KIF17: variants seen among roughly 807,000 people sequenced by gnomAD.
The protein encoded by KIF17 is kinesin family member 17.
In KIF17, 80 loss-of-function variants were observed where a neutral mutation model predicts 96.8. The observed-to-expected ratio is 0.83, with a 90% CI of 0.69 to 1.00. The LOEUF is 1.00. Among genes scored for constraint, KIF17 ranks in the 50% least tolerant of loss-of-function variants. The probability of loss-of-function intolerance (pLI) is 0.00; values close to 1 mark genes in which losing one functional copy is unlikely to be tolerated. For missense variants in KIF17, 1,280 were observed against 1,372.9 expected, an observed-to-expected ratio of 0.93 and a Z score of 1.07; for synonymous variants, 567 against 587.5, an observed-to-expected ratio of 0.97 and a Z score of 0.51.
Position 20,687,397 on chromosome 1 carries a change from G to A in KIF17, c.1929C>T (p.Val643=). ...GCGTGACATCAGCTACCTGCACAGG[G>A]ACCTTGGGGACGTCTGCCTGGGGTG... ...TDAPQADVPK[V]PVQVPAPTDL... Residue 643 remains valine, a synonymous_variant, in exon 8 of 15, where the codon GTC becomes GTT. Coordinates refer to ENST00000400463, the MANE Select transcript of KIF17 (RefSeq NM_001122819.3). The surrounding 1 kb of genome is among the most constrained non-coding windows in gnomAD (Gnocchi z 4.4). The A allele has an allele frequency of 6.2e-7, 1 of 1,613,162 alleles. No homozygotes were observed.
chr1:20,666,940 T>C (rs1388330612), intron 13 of KIF17, among the ~76,000 whole-genome samples: 1 of 152,186 alleles, frequency 6.6e-6, no homozygotes, highest in African/African-American at 2.4e-5. Flanking sequence ...GCTGGACATG[T>C]GACCCAGACT....
chr1:20,678,492 C>T (rs1487897494), intron 11 of KIF17, among the ~76,000 whole-genome samples: 2 of 152,146 alleles, frequency 1.3e-5, no homozygotes, highest in Non-Finnish European at 2.9e-5. Flanking sequence ...ATCTCTCCAA[C>T]AAGACCTCCA....
chr1:20,681,644 CAT>C (rs1557587964), intron 11 of KIF17, among the ~76,000 whole-genome samples: 1 of 152,164 alleles, frequency 6.6e-6, no homozygotes, highest in Non-Finnish European at 1.5e-5. Flanking sequence ...AGGCAGTGCA[CAT>C]GACCCTCACC....
chr1:20,670,411 C>A lies in KIF17; in HGVS notation c.2790+10G>T, dbSNP rs760659596. ...CCCCGACACCCCACTCCCTCTCCCG[C>A]GGTCCTCACCATGTTCGGCTCGCCA... On this transcript the variant is annotated intron_variant, in intron 13 of 14. Transcript: ENST00000400463. The A allele has an allele frequency of 1.2e-6, 2 of 1,613,096 alleles. No homozygotes were observed. Among genetic ancestry groups the A allele is most frequent in the Admixed American group, 1.7e-5 (1 of 59,994 alleles).
chr1:20,712,818 A>ATATAGATATTATCTATAT (rs2054487896), intron 3 of KIF17, among the ~76,000 whole-genome samples: 1 of 32,610 alleles, frequency 3.1e-5, no homozygotes, highest in African/African-American at 1.0e-4. Context: ...TATATATATA[A>ATATAGATATTATCTATAT]TATAGATATT....
chr1:20,685,341 C>T lies in KIF17; in HGVS notation c.2020-321G>A, dbSNP rs957705624. The stretch of plus-strand genomic sequence containing the variant: ...TTCCCGATGAGCCCCATGTGACTTC[C>T]CGTCACGTTCGCAGGAAAGTCCACT... On this transcript the variant is annotated intron_variant, in intron 9 of 14. Transcript: ENST00000400463. This position sits in a 1 kb window ranked among gnomAD's most constrained non-coding sequence, Gnocchi z 4.1. The T allele has an allele frequency of 7.9e-6, 4 of 504,674 alleles. No homozygotes were observed. Among genetic ancestry groups the T allele is most frequent in the South Asian group, 5.3e-5 (3 of 57,044 alleles). The allele number at this position is 504,674 out of a possible 1,614,324, so 31.3% of individuals were successfully genotyped here. A position where few individuals can be genotyped will look rare whatever the true frequency, so the allele number is the denominator to read the frequency against.
chr1:20,682,850 C>G lies in KIF17; in HGVS notation c.2266G>C (p.Glu756Gln), dbSNP rs1215486830. Reference sequence around the variant, plus strand: ...TTCAGGTCCTTGTTCTTGGCCTGCTCTCCACCCACAACCTGCTGCTCCAAC... The same window carrying G: ...TTCAGGTCCTTGTTCTTGGCCTGCTGTCCACCCACAACCTGCTGCTCCAAC... ...QLLEQQVVGG[E>Q]QAKNKDLKEK... is the part of the protein sequence containing the mutation. Residue 756 changes from glutamate to glutamine, a missense_variant, in exon 11 of 15, where the codon GAG (glutamate) becomes CAG (glutamine). By Grantham distance (29) the Glu-to-Gln change is conservative. Coordinates refer to ENST00000400463, the MANE Select transcript of KIF17 (RefSeq NM_001122819.3). 1 of 1,612,064 alleles carries G rather than the reference C, an allele frequency of 6.2e-7. No individual in the cohort carries two copies. Among genetic ancestry groups the G allele is most frequent in the East Asian group, 2.2e-5 (1 of 44,880 alleles).
intron 7 of KIF17, among the ~76,000 whole-genome samples, chr1:20,689,539 T>C (rs534463420): frequency 6.6e-6 from 1 of 152,204 alleles, no homozygotes; most frequent in South Asian, 2.1e-4. Context: ...TAATCCCAGC[T>C]ACTCAGGAGA....
chr1:20,682,647 C>T lies in KIF17; in HGVS notation c.2463+6G>A. 1 of 1,549,470 alleles carries T rather than the reference C, an allele frequency of 6.5e-7. No homozygotes were observed. The highest frequency in any genetic ancestry group is 2.2e-5 in the East Asian group (1 of 44,606). On this transcript the variant is annotated splice_donor_region_variant and intron_variant, in intron 11 of 14. Transcript: ENST00000400463. ...CTGGGCATGGGGGGCTGCATCTGGG[C>T]CTCACCTTCCTCTGCATCTTCTCCA...
At chr1:20,701,430 C>CA (rs34274447) in intron 5 of KIF17, among the ~76,000 whole-genome samples, 3,740 of 150,812 alleles carry the variant, frequency 0.025, 165 homozygotes, top group African/African-American at 0.086. Context: ...GACTCCGTCT[C>CA]AAAAAAAAAG....
chr1:20,712,863 T>A (rs189029266), intron 3 of KIF17, among the ~76,000 whole-genome samples: 7,943 of 37,928 alleles, frequency 0.21, 1,950 homozygotes, highest in East Asian at 0.49. Context: ...ATTATCTATA[T>A]TATAGATATT....
rs1384893072 is a variant in KIF17, at chr1:20,670,432, C to T, written c.2779G>A (p.Glu927Lys). 7.4e-6 allele frequency: 12 copies of T among 1,613,962 alleles called. No homozygotes were observed. Among genetic ancestry groups the T allele is most frequent in the Middle Eastern group, 1.7e-4 (1 of 6,058 alleles). The change falls in exon 13 of 15, where the codon GAG becomes AAG. Residue 927 changes from glutamate (E) to lysine (K), a missense_variant. By Grantham distance (56) the Glu-to-Lys change is moderately conservative. Transcript: ENST00000400463. Reference protein sequence around the residue: ...ARKTSAADNGEPNMEDDRYRL... With the variant: ...ARKTSAADNGKPNMEDDRYRL... Reference sequence around the variant, plus strand: ...CCCGCGGTCCTCACCATGTTCGGCTCGCCATTGTCTGCTGCAGAGGTTTTG... The same window carrying T: ...CCCGCGGTCCTCACCATGTTCGGCTTGCCATTGTCTGCTGCAGAGGTTTTG...
intron 14 of KIF17, 22 bp from the exon 15 acceptor site, chr1:20,664,784 T>G (rs2053496074): frequency 6.2e-7 from 1 of 1,609,052 alleles, no homozygotes; most frequent in Admixed American, 1.7e-5. Context: ...AGGGCAGAGG[T>G]GCTGGTAAGC....
chr1:20,670,378 C>G (rs1299350450), intron 13 of KIF17, 43 bp downstream of exon 13: 15 of 1,574,088 alleles, frequency 9.5e-6, no homozygotes, highest in Non-Finnish European at 1.3e-5. Context: ...GGGCAAAGCC[C>G]TCCCAGCCCC....
chr1:20,714,947 G>C (rs980078594), intron 2 of KIF17, among the ~76,000 whole-genome samples: 3 of 152,202 alleles, frequency 2.0e-5, no homozygotes, highest in African/African-American at 7.2e-5. Context: ...TTCTGCAGCT[G>C]ATCAGGGTTG....
At chr1:20,679,563 A>G (rs534281214) in intron 11 of KIF17, among the ~76,000 whole-genome samples, 4 of 152,290 alleles carry the variant, frequency 2.6e-5, no homozygotes, top group African/African-American at 9.6e-5. Context: ...GATGCTTCTG[A>G]AAGATGAGGC....
At chr1:20,707,221 G>A (rs2054358201) in intron 4 of KIF17, among the ~76,000 whole-genome samples, 1 of 152,174 alleles carries the variant, frequency 6.6e-6, no homozygotes, top group Admixed American at 6.5e-5. Context: ...CGAGTCTGAG[G>A]AAATGACTCT....
chr1:20,687,819 T>C lies in KIF17; in HGVS notation c.1507A>G (p.Thr503Ala). Residue 503 changes from threonine (T) to alanine (A), a missense_variant, in exon 8 of 15, where the codon ACG (threonine) becomes GCG (alanine). Thr to Ala is a moderately conservative substitution (Grantham distance 58). Transcript: ENST00000400463. This position sits in a 1 kb window ranked among gnomAD's most constrained non-coding sequence, Gnocchi z 4.4. ...ETVVKPKVFS[T>A]TDTLPSDDVS... The stretch of plus-strand genomic sequence containing the variant: ...TCGTCACTGGGCAGAGTGTCAGTCG[T>C]GGAGAAGACCTTGGGTTTCACCACT... 1 of 1,614,144 alleles carries C rather than the reference T, an allele frequency of 6.2e-7. No homozygotes were observed. Among genetic ancestry groups the C allele is most frequent in the South Asian group, 1.1e-5 (1 of 91,086 alleles).
chr1:20,670,984 C>T (rs1280811611), intron 12 of KIF17, among the ~76,000 whole-genome samples: 1 of 152,160 alleles, frequency 6.6e-6, no homozygotes, highest in Non-Finnish European at 1.5e-5. Context: ...CTTTCAAGGT[C>T]ATCTGATCCA....
Sources: allele counts gnomAD v4.1 joint callset (sites outside exome capture counted in the v4.1 genomes callset), GRCh38; gene constraint gnomAD v4.1.1; non-coding constraint Gnocchi (gnomAD v3.1); transcripts MANE v1.5; gene names NCBI Gene and HGNC (gene_info 2026-07-23, HGNC 2026-07-21).